MAGI2: variants seen among roughly 807,000 people sequenced by gnomAD.
MAGI2 encodes membrane-associated guanylate kinase, WW and PDZ domain-containing protein 2.
A neutral mutation model predicts 133.3 loss-of-function variants in MAGI2; 35 were observed. The ratio of observed to expected loss-of-function variants is 0.26; its 90% confidence interval spans 0.20 to 0.35. The LOEUF (loss-of-function observed/expected upper bound fraction) is 0.35, where lower values mean the gene tolerates loss of function less well. Ranked by LOEUF, MAGI2 falls within the 10% of genes least tolerant of loss-of-function variation. The pLI, the probability that MAGI2 is intolerant of heterozygous loss-of-function variation, is 1.00. For synonymous variants in MAGI2, 729 were observed against 710.6 expected (o/e 1.03, Z -0.41); for missense variants, 1,636 against 1,863.4 (o/e 0.88, Z 2.25).
intron 9 of MAGI2, among the ~76,000 whole-genome samples, chr7:78,266,848 A>G (rs889053211): frequency 2.0e-5 from 3 of 152,168 alleles, no homozygotes; most frequent in African/African-American, 7.2e-5. Context: ...CTGGGATTAC[A>G]GGTGTGAGCC....
intron 2 of MAGI2, among the ~76,000 whole-genome samples, chr7:78,771,953 T>C (rs1825627885): frequency 6.6e-6 from 1 of 152,180 alleles, no homozygotes; most frequent in African/African-American, 2.4e-5. Context: ...GTAATAAATA[T>C]AGCAAGTATC....
chr7:79,309,976 A>AT, intron 1 of MAGI2, among the ~76,000 whole-genome samples: 1 of 143,380 alleles, frequency 7.0e-6, no homozygotes, highest in African/African-American at 2.5e-5. Context: ...CCTAAAAAAA[A>AT]AAAAAAAGAA....
intron 1 of MAGI2, among the ~76,000 whole-genome samples, chr7:79,244,101 T>A (rs912168535): frequency 1.3e-5 from 2 of 152,234 alleles, no homozygotes; most frequent in South Asian, 4.1e-4. Context: ...TAACCAATCA[T>A]GCCATTGGCT....
intron 7 of MAGI2, 93 bp downstream of exon 7, chr7:78,369,063 A>AG (rs1249768352): frequency 1.2e-6 from 1 of 801,780 alleles, no homozygotes; most frequent in Non-Finnish European, 2.0e-6. Flanking sequence ...AGGGAAATGA[A>AG]GGGGCTGTGA....
intron 6 of MAGI2, among the ~76,000 whole-genome samples, chr7:78,385,776 A>T (rs1008297397): frequency 9.2e-5 from 14 of 152,196 alleles, no homozygotes; most frequent in Non-Finnish European, 4.4e-5. Flanking sequence ...AGTATGAATG[A>T]TGTAAATGTT....
intron 2 of MAGI2, among the ~76,000 whole-genome samples, chr7:78,862,077 A>G (rs1584193777): frequency 6.6e-6 from 1 of 152,220 alleles, no homozygotes; most frequent in South Asian, 2.1e-4. Flanking sequence ...TGCCACATAT[A>G]TTACTGTTTA....
chr7:79,279,130 TC>T (rs2129557801), intron 1 of MAGI2, among the ~76,000 whole-genome samples: 1 of 152,224 alleles, frequency 6.6e-6, no homozygotes, highest in Non-Finnish European at 1.5e-5. Context: ...GCTACTACTA[TC>T]CCTGCTCTTT....
At chr7:79,205,229 A>G (rs1161258690) in intron 1 of MAGI2, among the ~76,000 whole-genome samples, 1 of 151,988 alleles carries the variant, frequency 6.6e-6, no homozygotes, top group Non-Finnish European at 1.5e-5. Context: ...TGAAAGCAGC[A>G]AAAGAAAACA....
intron 6 of MAGI2, among the ~76,000 whole-genome samples, chr7:78,439,539 A>T (rs1338589378): frequency 1.3e-5 from 2 of 152,134 alleles, no homozygotes; most frequent in African/African-American, 4.8e-5. Context: ...AGGAGGGGGC[A>T]CAGCAAGAGT....
chr7:78,435,283 A>C (rs1250552557), intron 6 of MAGI2, among the ~76,000 whole-genome samples: 1 of 152,142 alleles, frequency 6.6e-6, no homozygotes. Flanking sequence ...TTGAACAGAT[A>C]TACTTTAAGA....
intron 2 of MAGI2, among the ~76,000 whole-genome samples, chr7:78,722,750 A>G (rs1820388819): frequency 6.6e-6 from 1 of 152,070 alleles, no homozygotes; most frequent in Non-Finnish European, 1.5e-5. Flanking sequence ...TATTAAGGAC[A>G]ATTAAATACA....
At position 78,844,136 on chromosome 7, in the gene MAGI2, T is replaced by C. The variant is rs550442236; in HGVS notation, c.418+162954A>G. 7.9e-5 allele frequency among the ~76,000 whole-genome samples: 12 copies of C among 151,580 alleles called. No homozygotes were observed. The East Asian group carries it at 2.3e-3, about 29-fold the overall frequency. ...AAGAGATTGGAAAAAAGTTTTTCTG[T>C]TTCCTAGTCACAAATTCTTAAAAAG... On this transcript the variant is annotated intron_variant, in intron 2 of 21. Coordinates refer to ENST00000354212, the MANE Select transcript of MAGI2 (RefSeq NM_012301.4).
intron 2 of MAGI2, among the ~76,000 whole-genome samples, chr7:78,838,407 C>A (rs1333412734): frequency 1.3e-5 from 2 of 151,812 alleles, no homozygotes; most frequent in African/African-American, 2.4e-5. Context: ...ACTGTTACAC[C>A]AACTGGCTTG....
chr7:79,296,453 C>T (rs1836936306), intron 1 of MAGI2, among the ~76,000 whole-genome samples: 1 of 152,114 alleles, frequency 6.6e-6, no homozygotes, highest in Admixed American at 6.5e-5. Flanking sequence ...ACTACACATG[C>T]ATGGATAGAG....
At chr7:78,740,155 T>C (rs1257332895) in intron 2 of MAGI2, among the ~76,000 whole-genome samples, 2 of 149,036 alleles carry the variant, frequency 1.3e-5, no homozygotes, top group East Asian at 1.9e-4. Flanking sequence ...AGCCAGACTC[T>C]GTCTAAAAAA....
chr7:79,213,170 T>G (rs1289340250), intron 1 of MAGI2, among the ~76,000 whole-genome samples: 1 of 151,682 alleles, frequency 6.6e-6, no homozygotes, highest in Non-Finnish European at 1.5e-5. Context: ...TCTGTATATA[T>G]TTTCTGTATA....
chr7:78,316,880 C>A (rs1787462976), intron 9 of MAGI2, among the ~76,000 whole-genome samples: 1 of 152,092 alleles, frequency 6.6e-6, no homozygotes, highest in Non-Finnish European at 1.5e-5. Flanking sequence ...TTGAGCTTTG[C>A]CAAGTGTTTT....
chr7:79,451,052 C>A (rs1309079383), intron 1 of MAGI2, among the ~76,000 whole-genome samples: 1 of 152,176 alleles, frequency 6.6e-6, no homozygotes, highest in Non-Finnish European at 1.5e-5. Flanking sequence ...CTTTCCACGG[C>A]ATTTCATAGA....
chr7:78,980,664 T>C (rs921690130), intron 2 of MAGI2, among the ~76,000 whole-genome samples: 2 of 151,972 alleles, frequency 1.3e-5, no homozygotes, highest in Non-Finnish European at 2.9e-5. Context: ...AGTTAGTTCC[T>C]ATTTTAGATT....
Sources: gnomAD v4.1 joint callset for allele counts (sites outside exome capture counted in the v4.1 genomes callset) on GRCh38, gnomAD v4.1.1 for gene constraint, MANE v1.5 for transcripts, NCBI Gene and HGNC (gene_info 2026-07-23, HGNC 2026-07-21) for gene names.